The following PEX5L variants were observed in gnomAD, a reference collection of about 807,000 sequenced individuals.
The protein encoded by PEX5L is PEX5-related protein.
In PEX5L, 30 loss-of-function variants were observed where a neutral mutation model predicts 84.0. The ratio of observed to expected loss-of-function variants is 0.36; its 90% CI spans 0.27 to 0.48. PEX5L has a LOEUF of 0.48. Ranked by LOEUF, PEX5L falls within the 20% of genes least tolerant of loss-of-function variation. The pLI, the probability that PEX5L is intolerant of heterozygous loss-of-function variation, is 0.99. For missense variants in PEX5L, 533 were observed against 754.6 expected (o/e 0.71, Z 3.44); for synonymous variants, 270 against 283.1 (o/e 0.95, Z 0.46).
At chr3:179,994,961 T>C (rs1787724558) in intron 1 of PEX5L, among the ~76,000 whole-genome samples, 1 of 151,826 alleles carries the variant, frequency 6.6e-6, no homozygotes, top group South Asian at 2.1e-4. Flanking sequence ...TTGTGAAACC[T>C]TTTGATTGTG....
At chr3:179,908,144 T>C (rs1007243573) in intron 2 of PEX5L, among the ~76,000 whole-genome samples, 5 of 152,200 alleles carry the variant, frequency 3.3e-5, no homozygotes, top group East Asian at 1.9e-4. Context: ...CTGGGGGTCA[T>C]TGGCAACGTG....
At chr3:179,952,558 C>T (rs1779380398) in intron 2 of PEX5L, among the ~76,000 whole-genome samples, 1 of 152,094 alleles carries the variant, frequency 6.6e-6, no homozygotes, top group South Asian at 2.1e-4. Context: ...CAATGATCTC[C>T]TCTTTAGGGA....
chr3:179,824,535 G>A (rs1483345495), intron 8 of PEX5L, among the ~76,000 whole-genome samples: 5 of 151,938 alleles, frequency 3.3e-5, no homozygotes, highest in East Asian at 1.9e-4. Flanking sequence ...GAGAAACCCC[G>A]TCTGTACTAA....
chr3:180,026,865 C>A (rs1317310209), intron 1 of PEX5L, among the ~76,000 whole-genome samples: 1 of 151,828 alleles, frequency 6.6e-6, no homozygotes, highest in Non-Finnish European at 1.5e-5. Flanking sequence ...TTAAAAAAAA[C>A]TTCCCCAAAT....
At chr3:179,820,147 A>G in intron 8 of PEX5L, 171 bp from the exon 9 acceptor site, 1 of 781,316 alleles carries the variant, frequency 1.3e-6, no homozygotes, top group South Asian at 1.9e-5. Flanking sequence ...CACTGGTCAG[A>G]GTGTTGAAGT....
chr3:179,930,423 C>G (rs1304292875), intron 2 of PEX5L, among the ~76,000 whole-genome samples: 1 of 152,182 alleles, frequency 6.6e-6, no homozygotes, highest in African/African-American at 2.4e-5. Context: ...AGTCTGGCTT[C>G]TGCAGTGCTA....
intron 1 of PEX5L, among the ~76,000 whole-genome samples, chr3:180,026,458 C>G (rs1790968066): frequency 6.6e-6 from 1 of 152,172 alleles, no homozygotes; most frequent in Non-Finnish European, 1.5e-5. Flanking sequence ...CAATATTTCA[C>G]AGTAAATTCC....
chr3:179,963,902 T>C (rs537669219), intron 2 of PEX5L, among the ~76,000 whole-genome samples: 75 of 152,260 alleles, frequency 4.9e-4, no homozygotes, highest in African/African-American at 1.7e-3. Flanking sequence ...CAGACTAGAC[T>C]TTATTGTTTA....
chr3:179,868,988 G>A (rs539978500), intron 7 of PEX5L, among the ~76,000 whole-genome samples: 10 of 152,088 alleles, frequency 6.6e-5, no homozygotes, highest in East Asian at 3.9e-4. Flanking sequence ...GTTTTTCAGC[G>A]AACCTTTAGG....
At chr3:180,027,952 C>A (rs1056328935) in intron 1 of PEX5L, among the ~76,000 whole-genome samples, 2 of 152,102 alleles carry the variant, frequency 1.3e-5, no homozygotes, top group Non-Finnish European at 2.9e-5. Flanking sequence ...TGATTATTAC[C>A]TGAGTGACGC....
intron 2 of PEX5L, among the ~76,000 whole-genome samples, chr3:179,930,664 C>T (rs963587909): frequency 1.3e-5 from 2 of 152,154 alleles, no homozygotes; most frequent in African/African-American, 4.8e-5. Context: ...TGTTGAAATC[C>T]TATTTGAGCA....
At chr3:179,992,987 A>G (rs1266499626) in intron 1 of PEX5L, among the ~76,000 whole-genome samples, 1 of 152,122 alleles carries the variant, frequency 6.6e-6, no homozygotes, top group African/African-American at 2.4e-5. Flanking sequence ...TTTAGTTAAA[A>G]GATTGTATAA....
In PEX5L at chr3:179,819,847, C is replaced by T. The variant is rs572565849; in HGVS notation, c.939+13G>A. Reference sequence around the variant, plus strand: ...GAAAAGTAGTCAGCATGTATAGGAACAGAATTGGTTACCTTCTCACTAGCC... The same window carrying T: ...GAAAAGTAGTCAGCATGTATAGGAATAGAATTGGTTACCTTCTCACTAGCC... On this transcript the variant is annotated intron_variant, in intron 9 of 14. Coordinates refer to ENST00000467460, the MANE Select transcript of PEX5L (RefSeq NM_016559.3). The T allele has an allele frequency of 9.9e-6, 16 of 1,612,704 alleles. No homozygotes were observed. The African/African-American group carries it at 1.5e-4, about 15-fold the overall frequency.
Position 180,036,589 on chromosome 3 carries a change from C to A in PEX5L, c.11G>T (p.Gly4Val), listed in dbSNP as rs1471093496. The change falls in exon 1 of 15, where the codon GGA becomes GTA. Residue 4 changes from glycine (G) to valine (V), a missense_variant. Physicochemically the swap from Gly to Val is moderately radical, Grantham distance 109 (BLOSUM62 -3). Around this residue, in one of 8 missense-constraint regions of PEX5L, gnomAD observed 259 missense variants for 301.7 expected, o/e 0.86. Transcript: ENST00000467460. ...ATAGAAATGTCTTACCTGCATGTGT[C>A]CCTGGTACATTCTGCTTCGGTTTCT... Reference protein sequence around the residue: MYQGHMQKSKEQGY... With the variant: MYQVHMQKSKEQGY... The A allele has an allele frequency of 1.9e-6, 3 of 1,614,040 alleles. No homozygotes were observed. Among genetic ancestry groups the A allele is most frequent in the Non-Finnish European group, 2.5e-6 (3 of 1,180,000 alleles).
rs114750109 is a variant in PEX5L at position 179,991,114 on chromosome 3, T to A, written c.22-19449A>T. Reference sequence around the variant, plus strand: ...TGTAGCTGAAAACTCTGGAGACTCCTGGCAGCCTGCTTCCTCACCTCCACG... The same window carrying A: ...TGTAGCTGAAAACTCTGGAGACTCCAGGCAGCCTGCTTCCTCACCTCCACG... On this transcript the variant is annotated intron_variant, in intron 1 of 14. Transcript: ENST00000467460. Among the ~76,000 whole-genome samples the A allele has an allele frequency of 9.3e-3, 1,410 of 152,268 alleles. 23 individuals carry two copies. The highest frequency in any genetic ancestry group is 0.032 in the African/African-American group (1,340 of 41,570).
chr3:180,008,632 G>A (rs1025026092), intron 1 of PEX5L, among the ~76,000 whole-genome samples: 7 of 152,194 alleles, frequency 4.6e-5, no homozygotes, highest in African/African-American at 1.2e-4. Flanking sequence ...GGCTGGGGAG[G>A]CCTCAGAATC....
chr3:179,884,480 T>C (rs1755142352), intron 4 of PEX5L, among the ~76,000 whole-genome samples: 1 of 152,244 alleles, frequency 6.6e-6, no homozygotes. Context: ...AAGTGAATTC[T>C]GTCCTGGAGC....
intron 1 of PEX5L, among the ~76,000 whole-genome samples, chr3:180,018,175 A>G (rs1790100680): frequency 1.3e-5 from 2 of 152,216 alleles, no homozygotes; most frequent in Admixed American, 1.3e-4. Context: ...TCATCTATTA[A>G]TATATACCAT....
chr3:179,916,176 TAC>T (rs1255325837), intron 2 of PEX5L, among the ~76,000 whole-genome samples: 2 of 152,174 alleles, frequency 1.3e-5, no homozygotes, highest in African/African-American at 2.4e-5. Flanking sequence ...ATGACAGGGA[TAC>T]AGTCTGAGAA....
Sources: allele counts gnomAD v4.1 joint callset (sites outside exome capture counted in the v4.1 genomes callset), GRCh38; gene constraint gnomAD v4.1.1; regional missense constraint gnomAD v4.1.1; transcripts MANE v1.5; gene names NCBI Gene and HGNC (gene_info 2026-07-23, HGNC 2026-07-21).